The following OGFR variants were observed in gnomAD, a reference collection of about 807,000 sequenced individuals.
OGFR encodes protein 7-60.
A neutral mutation model predicts 33.6 loss-of-function variants in OGFR; 18 were observed. The ratio of observed to expected loss-of-function variants is 0.54; its 90% CI spans 0.37 to 0.80. OGFR has a LOEUF of 0.80. OGFR is among the 30% of genes least tolerant of loss of function. OGFR has a pLI of 0.00. For missense variants in OGFR, 877 were observed against 955.8 expected (o/e 0.92, Z 1.09); for synonymous variants, 370 against 400.7 (o/e 0.92, Z 0.91).
At chr20:62,808,040 G>T in intron 2 of OGFR, 1 of 635,196 alleles carries the variant, frequency 1.6e-6, no homozygotes, top group Non-Finnish European at 2.9e-6. Context: ...GGCCTGGCTG[G>T]CGAAATGGGG....
chr20:62,808,974 C>T (rs1485452705), intron 3 of OGFR, among the ~76,000 whole-genome samples: 3 of 68,412 alleles, frequency 4.4e-5, no homozygotes. Flanking sequence ...GACTCTGTCT[C>T]AAAAAAAAAA....
At position 62,811,626 on chromosome 20, in the gene OGFR, T is replaced by TGGGCCCCCCCCCCC; in HGVS notation, c.614+16_614+17insGGGCCCCCCCCCCC. ...ACCTGAACTGGTGAGGCCCGGCTGC[T>TGGGCCCCCCCCCCC]CCCGCCCACCCCCACCCCGGCGCAG... On this transcript the variant is annotated intron_variant, in intron 6 of 6. Transcript: ENST00000290291. 1.3e-6 allele frequency: 2 copies of TGGGCCCCCCCCCCC among 1,502,506 alleles called. No individual in the cohort carries two copies. Among genetic ancestry groups the TGGGCCCCCCCCCCC allele is most frequent in the Non-Finnish European group, 1.8e-6 (2 of 1,110,114 alleles). The allele number at this position is 1,502,506 out of a possible 1,614,324, so 93.1% of individuals were successfully genotyped here.
Position 62,812,593 on chromosome 20 carries a change from G to T in OGFR, c.978G>T (p.Gln326His), listed in dbSNP as rs866542228. ...PGDPDHEAST[Q>H]GRTCGPEHSK... The stretch of plus-strand genomic sequence containing the variant: ...ACCCCGACCACGAGGCCAGCACCCA[G>T]GGTCGGACCTGTGGGCCAGAGCATA... The change falls in exon 7 of 7, where the codon CAG (glutamine) becomes CAT (histidine). Residue 326 changes from glutamine to histidine, a missense_variant. Coordinates refer to ENST00000290291, the MANE Select transcript of OGFR (RefSeq NM_007346.4). 3 of 1,569,758 alleles carry T rather than the reference G, an allele frequency of 1.9e-6. No homozygotes were observed. Among genetic ancestry groups the T allele is most frequent in the Non-Finnish European group, 2.6e-6 (3 of 1,157,940 alleles).
chr20:62,805,407 G>GGGGCTGGGGCTC (rs1228353550), intron 1 of OGFR: 1 of 154,268 alleles, frequency 6.5e-6, no homozygotes, highest in East Asian at 1.9e-4. Flanking sequence ...GGCTGGGGCT[G>GGGGCTGGGGCTC]GGGCTGGGGC....
rs1300574763 is a variant in OGFR, at chr20:62,812,699, C to G, written c.1084C>G (p.Gln362Glu). 4 of 1,579,358 alleles carry G rather than the reference C, an allele frequency of 2.5e-6. No individual in the cohort carries two copies. In the East Asian group the frequency reaches 9.3e-5, roughly 37 times the overall value. Residue 362 changes from glutamine to glutamate, a missense_variant, in exon 7 of 7, where the codon CAG becomes GAG. Coordinates refer to ENST00000290291, the MANE Select transcript of OGFR (RefSeq NM_007346.4). The part of the protein sequence containing the change: ...PQDAGPLERS[Q>E]GDEAGGHGED... The stretch of plus-strand genomic sequence containing the variant: ...GGATGCGGGACCCCTGGAGAGGAGC[C>G]AGGGGGATGAGGCAGGGGGCCACGG...
intron 3 of OGFR, among the ~76,000 whole-genome samples, chr20:62,809,108 A>G (rs750825477): frequency 1.3e-5 from 2 of 152,206 alleles, no homozygotes; most frequent in Non-Finnish European, 2.9e-5. Flanking sequence ...CCGGGCTGCA[A>G]CGTGAAACAG....
chr20:62,811,345 G>C, intron 5 of OGFR, 117 bp from the exon 6 acceptor site: 1 of 1,106,412 alleles, frequency 9.0e-7, no homozygotes, highest in Middle Eastern at 2.9e-4. Context: ...ATAAATGTCT[G>C]TCTGTCTGTC....
intron 4 of OGFR, among the ~76,000 whole-genome samples, chr20:62,810,288 G>T (rs988403211): frequency 1.3e-5 from 2 of 152,192 alleles, no homozygotes; most frequent in Admixed American, 6.5e-5. Flanking sequence ...CATGCAGGCT[G>T]TGACTTACGC....
rs943854172 is a variant in OGFR, at chr20:62,804,896, G to A, written c.37G>A (p.Asp13Asn). 7 of 1,496,964 alleles carry A rather than the reference G, an allele frequency of 4.7e-6. No homozygotes were observed. The highest frequency in any genetic ancestry group is 6.2e-6 in the Non-Finnish European group (7 of 1,123,882). The allele number at this position is 1,496,964 out of a possible 1,614,324, so 92.7% of individuals were successfully genotyped here. ...CGACTGCGACTCCACCTGGGAGGAGGACGAGGAGGATGCGGAGGACGCGGA... is the reference window on the plus strand; with the variant it reads ...CGACTGCGACTCCACCTGGGAGGAGAACGAGGAGGATGCGGAGGACGCGGA... ...DPDCDSTWEE[D>N]EEDAEDAEDE... The change falls in exon 1 of 7, where the codon GAC (aspartate) becomes AAC (asparagine). Residue 13 changes from aspartate (D) to asparagine (N), a missense_variant. Coordinates refer to ENST00000290291, the MANE Select transcript of OGFR (RefSeq NM_007346.4).
In OGFR at chr20:62,813,889, C is replaced by G. The variant is rs1048798; in HGVS notation, c.*240C>G. On this transcript the variant is annotated 3_prime_UTR_variant, in exon 7 of 7. Transcript: ENST00000290291. ...GTCTTCCCCACCCAGCTCTCCCCTG[C>G]GCCCCTGTCTTTGTAAATTGACCCT... The G allele has an allele frequency of 1.7e-6, 1 of 590,602 alleles. No homozygotes were observed. The highest frequency in any genetic ancestry group is 2.8e-5 in the East Asian group (1 of 35,386). 36.6% of individuals were successfully genotyped at this position (590,602 alleles called of 1,614,324 possible). A position where few individuals can be genotyped will look rare whatever the true frequency, so the allele number is the denominator to read the frequency against.
chr20:62,808,060 C>T, intron 2 of OGFR, 187 bp from the exon 3 acceptor site: 1 of 659,624 alleles, frequency 1.5e-6, no homozygotes, highest in East Asian at 2.7e-5. Context: ...GAAGGGGGGT[C>T]CCTGGGGCTT....
chr20:62,809,556 C>T, intron 3 of OGFR, 29 bp from the exon 4 acceptor site: 1 of 1,596,860 alleles, frequency 6.3e-7, no homozygotes, highest in Non-Finnish European at 8.6e-7. Flanking sequence ...GTGGCTGCCA[C>T]AGCTGACTTG....
intron 5 of OGFR, 111 bp from the exon 6 acceptor site, chr20:62,811,351 C>CTGTT: frequency 7.8e-6 from 9 of 1,160,390 alleles, no homozygotes; most frequent in Non-Finnish European, 1.1e-5. Flanking sequence ...GTCTGTCTGT[C>CTGTT]TGTCTGTCTA....
chr20:62,809,687 TGGG>T, intron 4 of OGFR, 24 bp downstream of exon 4: 3 of 968,994 alleles, frequency 3.1e-6, no homozygotes, highest in Non-Finnish European at 4.5e-6. Flanking sequence ...GATGGGGGGA[TGGG>T]GGGTTGGCGA....
chr20:62,813,752 GTGACCCA>G lies in OGFR; in HGVS notation c.*111_*117del, dbSNP rs763725230. 24 of 1,384,912 alleles carry G rather than the reference GTGACCCA, an allele frequency of 1.7e-5. No individual in the cohort carries two copies. The highest frequency in any genetic ancestry group is 4.3e-5 in the African/African-American group (3 of 70,086). 85.8% of individuals were successfully genotyped at this position (1,384,912 alleles called of 1,614,324 possible). On this transcript the variant is annotated 3_prime_UTR_variant, in exon 7 of 7. Coordinates refer to ENST00000290291, the MANE Select transcript of OGFR (RefSeq NM_007346.4). ...CCCCTCAGGCTCTGCTTCGTGACCC[GTGACCCA>G]TGACCCACAGTGCTGGCCTCCTGTG...
chr20:62,811,973 G>A (rs1468368702), intron 6 of OGFR, among the ~76,000 whole-genome samples: 2 of 152,192 alleles, frequency 1.3e-5, no homozygotes, highest in African/African-American at 4.8e-5. Context: ...CCACCAGGGG[G>A]ACTCGGGGTA....
rs374905572 is a variant in OGFR, at chr20:62,810,220, C to T, written c.399-279C>T. ...AGTAGAAAGGAAGGCCCTGTCCGCCCGGGCTGGATGGCTGCAGGGCCCCTC... is the reference window on the plus strand; with the variant it reads ...AGTAGAAAGGAAGGCCCTGTCCGCCTGGGCTGGATGGCTGCAGGGCCCCTC... On this transcript the variant is annotated intron_variant, in intron 4 of 6. Transcript: ENST00000290291. Among the ~76,000 whole-genome samples the T allele has an allele frequency of 2.0e-3, 298 of 152,304 alleles. 2 individuals carry two copies. The highest frequency in any genetic ancestry group is 0.019 in the South Asian group (90 of 4,824).
chr20:62,810,630 C>T (rs976514647), intron 5 of OGFR, 65 bp downstream of exon 5: 18 of 1,509,290 alleles, frequency 1.2e-5, no homozygotes, highest in South Asian at 3.4e-5. Flanking sequence ...CACGCCGCTG[C>T]AGAGACGGGG....
rs1455185444 is a variant in OGFR at position 62,813,893 on chromosome 20, C to T, written c.*244C>T. ...TCCCCACCCAGCTCTCCCCTGCGCC[C>T]CTGTCTTTGTAAATTGACCCTTCTG... On this transcript the variant is annotated 3_prime_UTR_variant, in exon 7 of 7. Coordinates refer to ENST00000290291, the MANE Select transcript of OGFR (RefSeq NM_007346.4). 5.1e-6 allele frequency: 3 copies of T among 588,132 alleles called. No homozygotes were observed. The highest frequency in any genetic ancestry group is 1.9e-5 in the African/African-American group (1 of 53,620). The allele number at this position is 588,132 out of a possible 1,614,324, so 36.4% of individuals were successfully genotyped here. A position where few individuals can be genotyped will look rare whatever the true frequency, so the allele number is the denominator to read the frequency against.
Sources: allele counts gnomAD v4.1 joint callset (sites outside exome capture counted in the v4.1 genomes callset), GRCh38; gene constraint gnomAD v4.1.1; transcripts MANE v1.5; gene names NCBI Gene and HGNC (gene_info 2026-07-23, HGNC 2026-07-21).